PITPNC1: variants seen among roughly 807,000 people sequenced by gnomAD.
The protein encoded by PITPNC1 is phosphatidylinositol transfer protein cytoplasmic 1.
Under a neutral mutation model 44.7 loss-of-function variants are expected in PITPNC1, and 18 were observed. That is an observed-to-expected ratio of 0.40 (90% CI 0.28 to 0.60). The LOEUF (loss-of-function observed/expected upper bound fraction) is 0.60, where lower values mean the gene tolerates loss of function less well. Among genes scored for constraint, PITPNC1 ranks in the 20% least tolerant of loss-of-function variants. The pLI, the probability that PITPNC1 is intolerant of heterozygous loss-of-function variation, is 0.39. For synonymous variants in PITPNC1, 141 were observed against 149.6 expected, an observed-to-expected ratio of 0.94 and a Z score of 0.42; for missense variants, 290 against 418.4, an observed-to-expected ratio of 0.69 and a Z score of 2.68.
In PITPNC1 at chr17:67,508,187, G is replaced by A. The variant is rs921549081; in HGVS notation, c.49-24615G>A. On this transcript the variant is annotated intron_variant, in intron 1 of 8. Transcript: ENST00000581322. The surrounding 1 kb of genome is among the most constrained non-coding windows in gnomAD (Gnocchi z 4.2). ...GGGCCCTGATCCAGACCCCAAGAGA[G>A]GGTTCTTGGATCTCAAGGAAGAAAG... 6.6e-6 allele frequency among the ~76,000 whole-genome samples: 1 copy of A among 152,178 alleles called. No homozygotes were observed. The highest frequency in any genetic ancestry group is 1.5e-5 in the Non-Finnish European group (1 of 68,038).
intron 1 of PITPNC1, among the ~76,000 whole-genome samples, chr17:67,500,754 G>T (rs574971217): frequency 1.3e-5 from 2 of 151,830 alleles, no homozygotes; most frequent in African/African-American, 4.8e-5. Context: ...ATGGCTCACG[G>T]CTCACTGAAG....
chr17:67,652,519 C>T (rs979836183), intron 6 of PITPNC1, among the ~76,000 whole-genome samples: 1 of 152,192 alleles, frequency 6.6e-6, no homozygotes, highest in Non-Finnish European at 1.5e-5. Flanking sequence ...GCTTTAACTA[C>T]AAGGGTCCAA....
intron 8 of PITPNC1, among the ~76,000 whole-genome samples, chr17:67,677,856 C>T (rs2042631056): frequency 1.3e-5 from 2 of 151,838 alleles, no homozygotes; most frequent in African/African-American, 4.8e-5. Flanking sequence ...AGGCATGAGC[C>T]ACTGCGCCCG....
At chr17:67,467,299 C>T (rs2039442687) in intron 1 of PITPNC1, among the ~76,000 whole-genome samples, 1 of 152,098 alleles carries the variant, frequency 6.6e-6, no homozygotes, top group South Asian at 2.1e-4. Context: ...GGTGATCCAC[C>T]CGCCTCAGCC....
At chr17:67,592,807 C>T (rs2041410013) in intron 5 of PITPNC1, among the ~76,000 whole-genome samples, 1 of 152,182 alleles carries the variant, frequency 6.6e-6, no homozygotes. Context: ...GAGGCCAAGG[C>T]AAGAGGATCA....
At chr17:67,406,591 G>GTT (rs35597011) in intron 1 of PITPNC1, among the ~76,000 whole-genome samples, 52,490 of 144,614 alleles carry the variant, frequency 0.36, 9,839 homozygotes, top group Middle Eastern at 0.44. Flanking sequence ...ATTATATATA[G>GTT]TTTTTTTTTT....
At chr17:67,447,522 G>A (rs1213995370) in intron 1 of PITPNC1, among the ~76,000 whole-genome samples, 1 of 151,694 alleles carries the variant, frequency 6.6e-6, no homozygotes, top group South Asian at 2.1e-4. Context: ...GTACCACCAC[G>A]CCCAGATAAT....
At chr17:67,511,310 T>C (rs1850826786) in intron 1 of PITPNC1, among the ~76,000 whole-genome samples, 1 of 152,236 alleles carries the variant, frequency 6.6e-6, no homozygotes, top group African/African-American at 2.4e-5. Context: ...TGAATAATCT[T>C]AAGCACATAA....
intron 2 of PITPNC1, among the ~76,000 whole-genome samples, chr17:67,533,351 C>T (rs2040488689): frequency 1.3e-5 from 2 of 152,210 alleles, no homozygotes; most frequent in African/African-American, 4.8e-5. Context: ...ACTGCGTTTC[C>T]ATTAAGAGGA....
At chr17:67,593,407 GT>G (rs1477912603) in intron 5 of PITPNC1, among the ~76,000 whole-genome samples, 3 of 150,050 alleles carry the variant, frequency 2.0e-5, no homozygotes, top group Non-Finnish European at 4.4e-5. Context: ...TTTTTGTTTT[GT>G]TTTCTTTTTT....
At chr17:67,560,604 C>T (rs1044160274) in intron 4 of PITPNC1, among the ~76,000 whole-genome samples, 10 of 152,150 alleles carry the variant, frequency 6.6e-5, no homozygotes, top group Non-Finnish European at 1.2e-4. Flanking sequence ...ACAGATGTAC[C>T]GCTGCCCTTG....
chr17:67,583,212 A>G (rs886317891), intron 5 of PITPNC1, among the ~76,000 whole-genome samples: 6 of 152,260 alleles, frequency 3.9e-5, no homozygotes, highest in African/African-American at 1.2e-4. Flanking sequence ...TGAACCTGAT[A>G]TGTTCCCTCA....
In PITPNC1 at chr17:67,665,378, C is replaced by G. The variant is rs149589541; in HGVS notation, c.463-4130C>G. ...AAAGTGCTAGGGTTACAGGCGTGAG[C>G]CACTGCACCCAGCCCATGTACATGT... On this transcript the variant is annotated intron_variant, in intron 6 of 8. Transcript: ENST00000581322. Among the ~76,000 whole-genome samples, 617 of 152,266 alleles carry G rather than the reference C, an allele frequency of 4.1e-3. 18 individuals are homozygous for G. The highest frequency in any genetic ancestry group is 0.034 in the Admixed American group (520 of 15,292).
chr17:67,424,699 G>A (rs2038719961), intron 1 of PITPNC1, among the ~76,000 whole-genome samples: 1 of 151,904 alleles, frequency 6.6e-6, no homozygotes, highest in Non-Finnish European at 1.5e-5. Flanking sequence ...CTGAGCTGAG[G>A]AGACAATTCG....
At chr17:67,447,335 T>C (rs115370175) in intron 1 of PITPNC1, among the ~76,000 whole-genome samples, 103 of 151,854 alleles carry the variant, frequency 6.8e-4, no homozygotes, top group African/African-American at 2.3e-3. Flanking sequence ...CAATATAAAC[T>C]GCATGCTTAG....
intron 1 of PITPNC1, among the ~76,000 whole-genome samples, chr17:67,460,843 C>T (rs2039327315): frequency 1.4e-5 from 2 of 147,406 alleles, no homozygotes; most frequent in Non-Finnish European, 3.0e-5. Flanking sequence ...CTCTCAGATT[C>T]AAGTGATTCT....
chr17:67,433,835 G>A (rs940597292), intron 1 of PITPNC1, among the ~76,000 whole-genome samples: 4 of 152,080 alleles, frequency 2.6e-5, no homozygotes, highest in Admixed American at 6.6e-5. Context: ...TGAGACTAGC[G>A]TGCAAGGATC....
chr17:67,672,915 A>G (rs567756783), intron 7 of PITPNC1, among the ~76,000 whole-genome samples: 194 of 152,248 alleles, frequency 1.3e-3, no homozygotes, highest in African/African-American at 4.5e-3. Context: ...GTTAAGGGGA[A>G]AAAAATGTTC....
chr17:67,507,558 A>G (rs2144081871), intron 1 of PITPNC1, among the ~76,000 whole-genome samples: 1 of 151,670 alleles, frequency 6.6e-6, no homozygotes, highest in South Asian at 2.1e-4. Context: ...GGTGGCATGC[A>G]TTTATAATCC....
Sources: gnomAD v4.1 joint callset for allele counts (sites outside exome capture counted in the v4.1 genomes callset) on GRCh38, gnomAD v4.1.1 for gene constraint, Gnocchi (gnomAD v3.1) non-coding constraint, MANE v1.5 for transcripts, NCBI Gene and HGNC (gene_info 2026-07-23, HGNC 2026-07-21) for gene names.